CELF1: variants seen among roughly 807,000 people sequenced by gnomAD.
CELF1 encodes the protein CUGBP Elav-like family member 1.
CELF1 carries 10 observed loss-of-function variants against 61.8 expected under a neutral mutation model. That is an observed-to-expected ratio of 0.16 (90% CI 0.10 to 0.27). CELF1 has a LOEUF of 0.27. Among genes scored for constraint, CELF1 ranks in the 10% least tolerant of loss-of-function variants. The pLI is 1.00. For synonymous variants in CELF1, 236 were observed against 225.1 expected, an observed-to-expected ratio of 1.05 and a Z score of -0.43; for missense variants, 380 against 639.1, an observed-to-expected ratio of 0.59 and a Z score of 4.37.
chr11:47,486,857 T>A (rs991826400), intron 5 of CELF1, 59 bp from the exon 6 acceptor site: 2 of 1,265,294 alleles, frequency 1.6e-6, no homozygotes, highest in African/African-American at 2.9e-5. Flanking sequence ...CAAAAATACA[T>A]ATGGACTCTA....
chr11:47,552,364 G>GA (rs2097159755), intron 1 of CELF1, among the ~76,000 whole-genome samples: 1 of 152,230 alleles, frequency 6.6e-6, no homozygotes, highest in Non-Finnish European at 1.5e-5. Context: ...CCCTAGCGAA[G>GA]AAAGCGCTTT....
chr11:47,497,646 C>T (rs1011473303), intron 3 of CELF1, among the ~76,000 whole-genome samples: 8 of 152,130 alleles, frequency 5.3e-5, no homozygotes, highest in African/African-American at 1.4e-4. Context: ...ATCCATTCCC[C>T]GACTGACTCT....
Position 47,527,620 on chromosome 11 carries a change from A to T in CELF1, c.-154+25372T>A, listed in dbSNP as rs150320962. 1.3e-3 allele frequency among the ~76,000 whole-genome samples: 191 copies of T among 152,274 alleles called. 2 individuals carry two copies. Among genetic ancestry groups the T allele is most frequent in the Non-Finnish European group, 1.3e-4 (9 of 68,014 alleles). ...ACTGGCTTATTCATTGTATATACTG[A>T]CTTCATTGTATACACTGTATTTAAT... is the stretch of plus-strand genomic sequence containing the variant. On this transcript the variant is annotated intron_variant, in intron 1 of 14. Coordinates refer to ENST00000687097, the MANE Select transcript of CELF1 (RefSeq NM_001376376.1).
chr11:47,489,124 G>A, intron 3 of CELF1, 100 bp from the exon 4 acceptor site: 4 of 1,041,400 alleles, frequency 3.8e-6, no homozygotes, highest in South Asian at 2.3e-5. Context: ...AGAACGTAAG[G>A]GAAAAAAAAT....
At chr11:47,547,247 C>G (rs753749718) in intron 1 of CELF1, among the ~76,000 whole-genome samples, 1 of 152,140 alleles carries the variant, frequency 6.6e-6, no homozygotes, top group Non-Finnish European at 1.5e-5. Flanking sequence ...TGTCAGTGGA[C>G]GTCTCTCTGT....
At chr11:47,476,709 A>C (rs571082376) in intron 12 of CELF1, 137 bp downstream of exon 12, 1 of 678,246 alleles carries the variant, frequency 1.5e-6, no homozygotes, top group Admixed American at 2.4e-5. Flanking sequence ...TAGAGGTGTG[A>C]GCCACCACAC....
chr11:47,475,633 C>G (rs1292193988), intron 12 of CELF1, 112 bp from the exon 13 acceptor site: 1 of 1,027,064 alleles, frequency 9.7e-7, no homozygotes, highest in East Asian at 2.5e-5. Context: ...TCCCCTTTAT[C>G]TCCCTCTTAG....
intron 1 of CELF1, among the ~76,000 whole-genome samples, chr11:47,532,478 C>A (rs1186088147): frequency 6.6e-6 from 1 of 152,188 alleles, no homozygotes; most frequent in Non-Finnish European, 1.5e-5. Context: ...CGCTGCCTGC[C>A]CAGGATGCTG....
chr11:47,506,698 A>T (rs555037523), intron 1 of CELF1, among the ~76,000 whole-genome samples: 1 of 152,380 alleles, frequency 6.6e-6, no homozygotes, highest in South Asian at 2.1e-4. Flanking sequence ...AAATATTTCT[A>T]GCTTCCCAGG....
chr11:47,531,265 C>A lies in CELF1; in HGVS notation c.-154+21727G>T, dbSNP rs376901415. 3.0e-3 allele frequency among the ~76,000 whole-genome samples: 443 copies of A among 147,990 alleles called. 4 individuals are homozygous for A. Among genetic ancestry groups the A allele is most frequent in the African/African-American group, 6.8e-3 (260 of 38,314 alleles). ...ATCAAAACAACAACAACAACAACAA[C>A]AAAAAACAAAAAAAAACAAACAGGC... On this transcript the variant is annotated intron_variant, in intron 1 of 14. Coordinates refer to ENST00000687097, the MANE Select transcript of CELF1 (RefSeq NM_001376376.1).
intron 2 of CELF1, among the ~76,000 whole-genome samples, chr11:47,562,610 G>A (rs999674855): frequency 6.6e-6 from 1 of 151,586 alleles, no homozygotes; most frequent in Non-Finnish European, 1.5e-5. Flanking sequence ...CCCTAGGCTG[G>A]ATGCAGTGGT....
At chr11:47,557,355 A>C (rs1482035134), upstream of CELF1, among the ~76,000 whole-genome samples, 2 of 149,210 alleles carry the variant, frequency 1.3e-5, no homozygotes, top group Non-Finnish European at 3.0e-5. Context: ...GGTAGCTGGG[A>C]CTACAGGCAC....
At chr11:47,527,426 TA>T (rs1381640230) in intron 1 of CELF1, among the ~76,000 whole-genome samples, 2 of 151,990 alleles carry the variant, frequency 1.3e-5, no homozygotes, top group African/African-American at 4.8e-5. Flanking sequence ...GCCTCTTAAG[TA>T]AAAGCCTCTT....
intron 1 of CELF1, 117 bp downstream of exon 1, chr11:47,552,875 C>G: frequency 2.5e-6 from 1 of 395,652 alleles, no homozygotes; most frequent in East Asian, 3.6e-5. Context: ...AGGCCGCGCC[C>G]GGAGGGCCCT....
chr11:47,512,394 C>T (rs907755796), intron 1 of CELF1, among the ~76,000 whole-genome samples: 3 of 151,518 alleles, frequency 2.0e-5, no homozygotes, highest in Admixed American at 2.0e-4. Flanking sequence ...ACCTCATGAT[C>T]CACCTGCCTT....
intron 1 of CELF1, among the ~76,000 whole-genome samples, chr11:47,545,008 C>T (rs2096896898): frequency 6.6e-6 from 1 of 152,060 alleles, no homozygotes; most frequent in Non-Finnish European, 1.5e-5. Context: ...ATAGGCCAGA[C>T]ATGGTGGCTC....
At chr11:47,503,279 G>GT (rs1230081965) in intron 1 of CELF1, among the ~76,000 whole-genome samples, 2 of 152,320 alleles carry the variant, frequency 1.3e-5, no homozygotes, top group East Asian at 3.9e-4. Context: ...ATCACAGTAT[G>GT]TTTTGCCAAA....
At chr11:47,560,439 A>C (rs182735235) in intron 2 of CELF1, among the ~76,000 whole-genome samples, 1 of 152,294 alleles carries the variant, frequency 6.6e-6, no homozygotes, top group African/African-American at 2.4e-5. Context: ...CATTTCATCT[A>C]TATGGTTATA....
chr11:47,541,152 T>C (rs994437107), intron 1 of CELF1, among the ~76,000 whole-genome samples: 8 of 152,288 alleles, frequency 5.3e-5, no homozygotes, highest in African/African-American at 1.4e-4. Flanking sequence ...GCAAATTATC[T>C]GTACAAAACA....
Sources: allele counts gnomAD v4.1 joint callset (sites outside exome capture counted in the v4.1 genomes callset), GRCh38; gene constraint gnomAD v4.1.1; transcripts MANE v1.5; gene names NCBI Gene and HGNC (gene_info 2026-07-23, HGNC 2026-07-21).